RRM1: variants seen among roughly 807,000 people sequenced by gnomAD.
RRM1 encodes ribonucleoside-diphosphate reductase large subunit.
RRM1 carries 19 observed loss-of-function variants against 101.5 expected under a neutral mutation model. That is an observed-to-expected ratio of 0.19 (90% CI 0.13 to 0.27). RRM1 has a LOEUF of 0.27. Among genes scored for constraint, RRM1 ranks in the 10% least tolerant of loss-of-function variants. The probability of loss-of-function intolerance (pLI) is 1.00; values close to 1 mark genes in which losing one functional copy is unlikely to be tolerated. For missense variants in RRM1, 500 were observed against 962.9 expected (o/e 0.52, Z 6.36); for synonymous variants, 298 against 323.4 (o/e 0.92, Z 0.84).
intron 17 of RRM1, 129 bp from the exon 18 acceptor site, chr11:4,134,953 T>G (rs1007101455): frequency 3.9e-5 from 24 of 617,850 alleles, no homozygotes; most frequent in Non-Finnish European, 6.5e-5. Context: ...TCATATCATA[T>G]GATACTGAAT....
chr11:4,138,448 A>G lies in RRM1; in HGVS notation c.*65A>G, dbSNP rs2094618137. On this transcript the variant is annotated 3_prime_UTR_variant, in exon 19 of 19. Coordinates refer to ENST00000300738, the MANE Select transcript of RRM1 (RefSeq NM_001033.5). Reference sequence around the variant, plus strand: ...AACTACTTCTTGAGCATAGATAGGTATAGTGGGTTTGCTTGAGGTGGTAAG... The same window carrying G: ...AACTACTTCTTGAGCATAGATAGGTGTAGTGGGTTTGCTTGAGGTGGTAAG... The G allele has an allele frequency of 3.8e-6, 5 of 1,313,094 alleles. No individual in the cohort carries two copies. In the East Asian group the frequency reaches 1.3e-4, roughly 34 times the overall value. 81.3% of individuals were successfully genotyped at this position (1,313,094 alleles called of 1,614,324 possible). A position where few individuals can be genotyped will look rare whatever the true frequency, so the allele number is the denominator to read the frequency against.
intron 15 of RRM1, among the ~76,000 whole-genome samples, chr11:4,130,249 C>G (rs1184026077): frequency 6.6e-6 from 1 of 151,308 alleles, no homozygotes; most frequent in Non-Finnish European, 1.5e-5. Context: ...ATACTTCTGC[C>G]AACCATTTGT....
chr11:4,101,557 A>C (rs868665752), intron 1 of RRM1, among the ~76,000 whole-genome samples: 504 of 42,678 alleles, frequency 0.012, 1 homozygote, highest in East Asian at 0.02. Flanking sequence ...CCAGTGATCC[A>C]CACCCCCCCC....
At position 4,138,362 on chromosome 11, in the gene RRM1, A is replaced by G; in HGVS notation, c.2358A>G (p.Glu786=). The G allele has an allele frequency of 6.2e-7, 1 of 1,607,100 alleles. No individual in the cohort carries two copies. Among genetic ancestry groups the G allele is most frequent in the East Asian group, 2.2e-5 (1 of 44,614 alleles). ...AMVCSLENRD[E]CLMCGS Reference sequence around the variant, plus strand: ...TGTGCTCTTTGGAGAATAGAGATGAATGTCTGATGTGTGGATCCTGAGGAA... The same window carrying G: ...TGTGCTCTTTGGAGAATAGAGATGAGTGTCTGATGTGTGGATCCTGAGGAA... The change falls in exon 19 of 19, where the codon GAA becomes GAG. Residue 786 remains glutamate, a synonymous_variant. Coordinates refer to ENST00000300738, the MANE Select transcript of RRM1 (RefSeq NM_001033.5).
At chr11:4,102,667 A>C (rs1007652546) in intron 2 of RRM1, among the ~76,000 whole-genome samples, 1 of 151,736 alleles carries the variant, frequency 6.6e-6, no homozygotes, top group Non-Finnish European at 1.5e-5. Flanking sequence ...AAAAAAAAAA[A>C]GGGAAGCCTA....
chr11:4,130,723 T>G (rs2094598660), intron 15 of RRM1, among the ~76,000 whole-genome samples: 2 of 152,278 alleles, frequency 1.3e-5, no homozygotes, highest in Admixed American at 1.3e-4. Flanking sequence ...CTGAGACTTG[T>G]TATTTAGTGA....
intron 7 of RRM1, among the ~76,000 whole-genome samples, chr11:4,114,785 T>C (rs1306106342): frequency 1.3e-5 from 2 of 152,278 alleles, no homozygotes; most frequent in East Asian, 3.9e-4. Context: ...TGATCTTGGC[T>C]TACTGCAGCC....
chr11:4,133,483 GT>G, intron 16 of RRM1, 79 bp from the exon 17 acceptor site: 1 of 827,676 alleles, frequency 1.2e-6, no homozygotes. Flanking sequence ...AGTGATTTTA[GT>G]TTAAGCTTCA....
At position 4,138,388 on chromosome 11, in the gene RRM1, A is replaced by G. The variant is rs376890449; in HGVS notation, c.*5A>G. 1 of 1,593,170 alleles carries G rather than the reference A, an allele frequency of 6.3e-7. No individual in the cohort carries two copies. Among genetic ancestry groups the G allele is most frequent in the South Asian group, 1.1e-5 (1 of 87,096 alleles). The stretch of plus-strand genomic sequence containing the variant: ...TGTCTGATGTGTGGATCCTGAGGAA[A>G]GACTTGGAAGAGACCAGCATGTCTT... On this transcript the variant is annotated 3_prime_UTR_variant, in exon 19 of 19. Transcript: ENST00000300738.
chr11:4,103,741 G>C (rs977078333), intron 2 of RRM1, among the ~76,000 whole-genome samples: 1 of 150,772 alleles, frequency 6.6e-6, no homozygotes, highest in Non-Finnish European at 1.5e-5. Flanking sequence ...TTGTGCCTCA[G>C]CCTCCCTCAG....
chr11:4,123,926 C>A, intron 12 of RRM1, among the ~76,000 whole-genome samples: 1 of 152,082 alleles, frequency 6.6e-6, no homozygotes. Context: ...AGAGACTTCA[C>A]AGAAGAATCA....
rs760441988 is a variant in RRM1, at chr11:4,126,774, A to G, written c.1411A>G (p.Lys471Glu). The G allele has an allele frequency of 5.6e-6, 9 of 1,613,700 alleles. No individual in the cohort carries two copies. Among genetic ancestry groups the G allele is most frequent in the Admixed American group, 1.7e-5 (1 of 60,000 alleles). ...CTTTAAGAAGTTGGCTGAAGTCACT[A>G]AAGTCGTTGTCCGAAACTTGAATAA... ...YDFKKLAEVT[K>E]VVVRNLNKII... is the part of the protein sequence containing the mutation. The change falls in exon 13 of 19, where the codon AAA becomes GAA. Residue 471 changes from lysine to glutamate, a missense_variant. By Grantham distance (56) the Lys-to-Glu change is moderately conservative. This residue lies in a region of RRM1 where 80 missense variants were observed against 170.9 expected (regional missense o/e 0.47). Transcript: ENST00000300738.
At chr11:4,138,132 G>A (rs921701938) in intron 18 of RRM1, 63 bp from the exon 19 acceptor site, 3 of 913,806 alleles carry the variant, frequency 3.3e-6, no homozygotes, top group Non-Finnish European at 5.0e-6. Flanking sequence ...TTTAAATATT[G>A]GTGTGGAATG....
rs770370468 is a variant in RRM1 at position 4,106,151 on chromosome 11, C to G, written c.214C>G (p.Pro72Ala). The part of the protein sequence containing the change: ...ETAATLTTKH[P>A]DYAILAARIA... Reference sequence around the variant, plus strand: ...AGCTGCAACCTTGACTACTAAGCACCCTGACTATGCTATCCTGGCAGCCAG... The same window carrying G: ...AGCTGCAACCTTGACTACTAAGCACGCTGACTATGCTATCCTGGCAGCCAG... Residue 72 changes from proline to alanine, a missense_variant, in exon 3 of 19, where the codon CCT becomes GCT. Around this residue, in one of 9 missense-constraint regions of RRM1, gnomAD observed 44 missense variants for 119.4 expected, o/e 0.37. Coordinates refer to ENST00000300738, the MANE Select transcript of RRM1 (RefSeq NM_001033.5). The G allele has an allele frequency of 6.2e-7, 1 of 1,613,896 alleles. No homozygotes were observed. Among genetic ancestry groups the G allele is most frequent in the African/African-American group, 1.3e-5 (1 of 74,886 alleles).
At position 4,123,257 on chromosome 11, in the gene RRM1, C is replaced by T; in HGVS notation, c.1193C>T (p.Thr398Met). The change falls in exon 12 of 19, where the codon ACG (threonine) becomes ATG (methionine). Residue 398 changes from threonine to methionine, a missense_variant. This residue lies in a region of RRM1 where 80 missense variants were observed against 170.9 expected (regional missense o/e 0.47). Coordinates refer to ENST00000300738, the MANE Select transcript of RRM1 (RefSeq NM_001033.5). Reference protein sequence around the residue: ...QLWYAIIESQTETGTPYMLYK... With the variant: ...QLWYAIIESQMETGTPYMLYK... Reference sequence around the variant, plus strand: ...TGGTATGCCATCATTGAGTCTCAGACGGAAACAGGCACCCCGTATATGCTC... The same window carrying T: ...TGGTATGCCATCATTGAGTCTCAGATGGAAACAGGCACCCCGTATATGCTC... 1 of 1,613,976 alleles carries T rather than the reference C, an allele frequency of 6.2e-7. No individual in the cohort carries two copies. Among genetic ancestry groups the T allele is most frequent in the Non-Finnish European group, 8.5e-7 (1 of 1,179,974 alleles).
chr11:4,126,867 T>C lies in RRM1; in HGVS notation c.1470+34T>C, dbSNP rs1453307802. On this transcript the variant is annotated intron_variant, in intron 13 of 18. Transcript: ENST00000300738. ...AGATTTCTCTGCTTATTGGTAATTA[T>C]TGAAATCCAAATTGAAAGGAATCAA... The C allele has an allele frequency of 4.5e-6, 7 of 1,547,592 alleles. No homozygotes were observed. The African/African-American group carries it at 9.6e-5, about 21-fold the overall frequency.
intron 8 of RRM1, 178 bp from the exon 9 acceptor site, chr11:4,119,667 A>G (rs913168464): frequency 6.9e-6 from 4 of 577,010 alleles, no homozygotes; most frequent in African/African-American, 1.9e-5. Context: ...AATTTATTCA[A>G]CATTTTGTTG....
chr11:4,124,905 G>GTATTTATTT (rs2094587113), intron 12 of RRM1, among the ~76,000 whole-genome samples: 1 of 115,528 alleles, frequency 8.7e-6, no homozygotes, highest in Admixed American at 9.0e-5. Context: ...TCTAATTGTA[G>GTATTTATTT]TATTTATTTA....
chr11:4,119,159 A>C (rs1362414456), intron 8 of RRM1: 1 of 152,310 alleles, frequency 6.6e-6, no homozygotes, highest in Non-Finnish European at 1.5e-5. Context: ...AAAATATCTA[A>C]CTCTGTAGAA....
Sources: allele counts gnomAD v4.1 joint callset (sites outside exome capture counted in the v4.1 genomes callset), GRCh38; gene constraint gnomAD v4.1.1; regional missense constraint gnomAD v4.1.1; transcripts MANE v1.5; gene names NCBI Gene and HGNC (gene_info 2026-07-23, HGNC 2026-07-21).